The following MCTP1 variants were observed in gnomAD, a reference collection of about 807,000 sequenced individuals.
The protein encoded by MCTP1 is multiple C2 and transmembrane domain-containing protein 1.
Under a neutral mutation model 120.6 loss-of-function variants are expected in MCTP1, and 69 were observed. The observed-to-expected ratio is 0.57, with a 90% CI of 0.47 to 0.70. The LOEUF (loss-of-function observed/expected upper bound fraction) is 0.70, where lower values mean the gene tolerates loss of function less well. MCTP1 is among the 30% of genes least tolerant of loss of function. The pLI is 0.00. For synonymous variants in MCTP1, 529 were observed against 493.1 expected, an observed-to-expected ratio of 1.07 and a Z score of -0.96; for missense variants, 1,203 against 1,248.8, an observed-to-expected ratio of 0.96 and a Z score of 0.55.
chr5:94,933,568 T>C (rs561130082), intron 5 of MCTP1, among the ~76,000 whole-genome samples: 1 of 151,892 alleles, frequency 6.6e-6, no homozygotes, highest in Non-Finnish European at 1.5e-5. Flanking sequence ...CTAGAGATGA[T>C]ATTTTGAGTC....
intron 2 of MCTP1, among the ~76,000 whole-genome samples, chr5:95,015,043 A>G (rs939074432): frequency 1.3e-5 from 2 of 152,132 alleles, no homozygotes; most frequent in African/African-American, 4.8e-5. Flanking sequence ...GCAATAAAGT[A>G]TTTTTAAAAT....
chr5:94,992,687 T>C (rs1168441742), intron 2 of MCTP1, among the ~76,000 whole-genome samples: 1 of 152,186 alleles, frequency 6.6e-6, no homozygotes, highest in Non-Finnish European at 1.5e-5. Context: ...TAAATACCCA[T>C]CTTTTTGGTT....
At chr5:94,745,071 C>G (rs1294794946) in intron 19 of MCTP1, among the ~76,000 whole-genome samples, 1 of 142,330 alleles carries the variant, frequency 7.0e-6, no homozygotes, top group Non-Finnish European at 1.5e-5. Flanking sequence ...CTCCCACCCA[C>G]AGAGAGTAAG....
chr5:94,949,041 TG>T (rs1253292104), intron 3 of MCTP1, among the ~76,000 whole-genome samples: 1 of 152,188 alleles, frequency 6.6e-6, no homozygotes, highest in Non-Finnish European at 1.5e-5. Context: ...AACAGTCATG[TG>T]GTCCCATACA....
intron 17 of MCTP1, among the ~76,000 whole-genome samples, chr5:94,810,887 A>C (rs1390847298): frequency 6.6e-6 from 1 of 152,178 alleles, no homozygotes; most frequent in Non-Finnish European, 1.5e-5. Flanking sequence ...TCTTCATTTA[A>C]ATCTTAAAAT....
At chr5:94,903,385 T>C (rs938672486) in intron 10 of MCTP1, among the ~76,000 whole-genome samples, 2 of 152,172 alleles carry the variant, frequency 1.3e-5, no homozygotes, top group African/African-American at 4.8e-5. Context: ...AAGAAAACAT[T>C]AGTTTGGTTT....
At chr5:95,256,355 G>A (rs1757885462) in intron 1 of MCTP1, among the ~76,000 whole-genome samples, 1 of 152,184 alleles carries the variant, frequency 6.6e-6, no homozygotes, top group Non-Finnish European at 1.5e-5. Context: ...ATGTCTGCTG[G>A]CAAACCCAAT....
At chr5:95,057,364 G>A (rs1301030237) in intron 1 of MCTP1, among the ~76,000 whole-genome samples, 3 of 152,044 alleles carry the variant, frequency 2.0e-5, no homozygotes, top group African/African-American at 7.2e-5. Context: ...GTAATGCAGT[G>A]GGAAAATGAA....
At chr5:95,262,278 C>T (rs147719186) in intron 1 of MCTP1, among the ~76,000 whole-genome samples, 2 of 152,294 alleles carry the variant, frequency 1.3e-5, no homozygotes, top group East Asian at 3.9e-4. Context: ...CACAGGATCA[C>T]AGGTGATTTC....
intron 1 of MCTP1, among the ~76,000 whole-genome samples, chr5:95,208,334 A>T (rs1751912865): frequency 6.6e-6 from 1 of 151,928 alleles, no homozygotes; most frequent in African/African-American, 2.4e-5. Context: ...CAGGCAATCC[A>T]CCCACCTCAG....
chr5:94,952,917 T>C (rs1022716237), intron 3 of MCTP1, among the ~76,000 whole-genome samples: 2 of 152,334 alleles, frequency 1.3e-5, no homozygotes, highest in Middle Eastern at 3.4e-3. Context: ...TGTTAACTTA[T>C]ATGGAAACTT....
In MCTP1 at chr5:94,707,321, A is replaced by G. The variant is rs1754887898; in HGVS notation, c.*175T>C. ...AACCTTTATCAAGTTGAGTCTGTACAATAGAAGTATATATTCAAAGACATA... is the reference window on the plus strand; with the variant it reads ...AACCTTTATCAAGTTGAGTCTGTACGATAGAAGTATATATTCAAAGACATA... On this transcript the variant is annotated 3_prime_UTR_variant, in exon 23 of 23. Transcript: ENST00000515393. 7.0e-6 allele frequency: 4 copies of G among 568,040 alleles called. No individual in the cohort carries two copies. The South Asian group carries it at 9.1e-5, about 13-fold the overall frequency. 35.2% of individuals were successfully genotyped at this position (568,040 alleles called of 1,614,324 possible).
At chr5:95,201,756 C>A (rs13170339) in intron 1 of MCTP1, among the ~76,000 whole-genome samples, 1 of 152,078 alleles carries the variant, frequency 6.6e-6, no homozygotes, top group South Asian at 2.1e-4. Flanking sequence ...CCATCCGCCT[C>A]GGCCTCCCAA....
At chr5:94,835,281 G>A (rs1231777458) in intron 17 of MCTP1, among the ~76,000 whole-genome samples, 1 of 152,216 alleles carries the variant, frequency 6.6e-6, no homozygotes, top group Non-Finnish European at 1.5e-5. Context: ...TCTTCTAAGA[G>A]TAGCTCAGTT....
At chr5:95,021,128 A>G (rs1345954247) in intron 1 of MCTP1, among the ~76,000 whole-genome samples, 1 of 152,058 alleles carries the variant, frequency 6.6e-6, no homozygotes, top group Non-Finnish European at 1.5e-5. Context: ...TGAGCTTGAG[A>G]AATTACATAA....
intron 1 of MCTP1, among the ~76,000 whole-genome samples, chr5:95,262,309 C>A (rs1024784930): frequency 1.4e-4 from 21 of 152,288 alleles, no homozygotes; most frequent in African/African-American, 4.6e-4. Context: ...TAGTTCATTT[C>A]AAGCGTGAAA....
chr5:94,812,654 C>T (rs756034913), intron 17 of MCTP1, among the ~76,000 whole-genome samples: 17 of 151,622 alleles, frequency 1.1e-4, no homozygotes, highest in Non-Finnish European at 2.4e-4. Context: ...GTCTTAGCTA[C>T]TTAGGAGGCT....
intron 19 of MCTP1, among the ~76,000 whole-genome samples, chr5:94,736,692 G>A (rs904990239): frequency 3.3e-5 from 5 of 152,046 alleles, no homozygotes; most frequent in East Asian, 1.9e-4. Context: ...TTTTAAATGA[G>A]AGACTGCAAG....
intron 12 of MCTP1, among the ~76,000 whole-genome samples, chr5:94,881,032 C>T (rs928698806): frequency 6.6e-6 from 1 of 152,062 alleles, no homozygotes; most frequent in African/African-American, 2.4e-5. Flanking sequence ...GTGTCTCTTC[C>T]TGATCTATAG....
Sources: allele counts gnomAD v4.1 joint callset (sites outside exome capture counted in the v4.1 genomes callset), GRCh38; gene constraint gnomAD v4.1.1; transcripts MANE v1.5; gene names NCBI Gene and HGNC (gene_info 2026-07-23, HGNC 2026-07-21).